PRDM13: variants seen among roughly 807,000 people sequenced by gnomAD.
PRDM13 encodes PR domain zinc finger protein 13.
In PRDM13, 15 loss-of-function variants were observed where a neutral mutation model predicts 36.4. The observed-to-expected ratio is 0.41, with a 90% CI of 0.28 to 0.64. The LOEUF is 0.64. Among genes scored for constraint, PRDM13 ranks in the 30% least tolerant of loss-of-function variants. The pLI, the probability that PRDM13 is intolerant of heterozygous loss-of-function variation, is 0.29. For synonymous variants in PRDM13, 531 were observed against 467.7 expected, an observed-to-expected ratio of 1.14 and a Z score of -1.75; for missense variants, 1,044 against 1,013.5, an observed-to-expected ratio of 1.03 and a Z score of -0.41.
Position 99,609,312 on chromosome 6 carries a change from C to T in PRDM13, c.397+5C>T, listed in dbSNP as rs1769998937. On this transcript the variant is annotated splice_donor_5th_base_variant and intron_variant, in intron 3 of 3. Coordinates refer to ENST00000369215, the MANE Select transcript of PRDM13 (RefSeq NM_021620.4). ...CTCCGACTCACGACGAGAAAGGTAC[C>T]CATTCCAAAAGCGTGGATGGGCAAA... is the stretch of plus-strand genomic sequence containing the variant. 6.2e-7 allele frequency: 1 copy of T among 1,613,876 alleles called. No homozygotes were observed. Among genetic ancestry groups the T allele is most frequent in the African/African-American group, 1.3e-5 (1 of 74,872 alleles).
Position 99,614,854 on chromosome 6 carries a change from A to G in PRDM13, c.*95A>G. 1 of 1,463,126 alleles carries G rather than the reference A, an allele frequency of 6.8e-7. No homozygotes were observed. Among genetic ancestry groups the G allele is most frequent in the Non-Finnish European group, 9.1e-7 (1 of 1,098,262 alleles). 90.6% of individuals were successfully genotyped at this position (1,463,126 alleles called of 1,614,324 possible). A position where few individuals can be genotyped will look rare whatever the true frequency, so the allele number is the denominator to read the frequency against. On this transcript the variant is annotated 3_prime_UTR_variant, in exon 4 of 4. Coordinates refer to ENST00000369215, the MANE Select transcript of PRDM13 (RefSeq NM_021620.4). ...CTCCTGGTGGTGGGAAGAGGGACCC[A>G]ATGGACAAAACCGTTTTTGTTTTTG...
Position 99,615,140 on chromosome 6 carries a change from G to A in PRDM13, c.*381G>A. On this transcript the variant is annotated 3_prime_UTR_variant, in exon 4 of 4. Transcript: ENST00000369215. ...TTTAACTGCCACGTATTTTTAAGTT[G>A]TACTTTTCTGTGGAGGAAATTGTGC... 1 of 243,712 alleles carries A rather than the reference G, an allele frequency of 4.1e-6. No individual in the cohort carries two copies. Among genetic ancestry groups the A allele is most frequent in the Non-Finnish European group, 7.9e-6 (1 of 126,798 alleles). 15.1% of individuals were successfully genotyped at this position (243,712 alleles called of 1,614,324 possible).
chr6:99,609,441 G>A, intron 3 of PRDM13, 134 bp downstream of exon 3: 3 of 1,255,874 alleles, frequency 2.4e-6, no homozygotes, highest in Non-Finnish European at 3.3e-6. Flanking sequence ...AGAGGAGAGA[G>A]GTCGCCACTA....
chr6:99,608,671 G>T, intron 1 of PRDM13, 70 bp from the exon 2 acceptor site: 1 of 1,536,000 alleles, frequency 6.5e-7, no homozygotes, highest in Non-Finnish European at 8.8e-7. Context: ...TGGGGTGGAG[G>T]ATAAACTTTC....
Position 99,613,234 on chromosome 6 carries a change from C to T in PRDM13, c.599C>T (p.Ala200Val). The change falls in exon 4 of 4, where the codon GCC (alanine) becomes GTC (valine). Residue 200 changes from alanine to valine, a missense_variant. Transcript: ENST00000369215. This position sits in a 1 kb window ranked among gnomAD's most constrained non-coding sequence, Gnocchi z 6.1. Reference sequence around the variant, plus strand: ...CCAAAACCCCCGGCGCCCGATTTCGCCGCGCCTTCCCAGGCAGGAACTTTG... The same window carrying T: ...CCAAAACCCCCGGCGCCCGATTTCGTCGCGCCTTCCCAGGCAGGAACTTTG... ...LSPKPPAPDFAAPSQAGTLRP... is the reference protein window; with the variant it reads ...LSPKPPAPDFVAPSQAGTLRP... The T allele has an allele frequency of 6.2e-7, 1 of 1,610,890 alleles. No individual in the cohort carries two copies. The highest frequency in any genetic ancestry group is 2.2e-5 in the East Asian group (1 of 44,840).
chr6:99,609,903 TAAA>T (rs1369059530), intron 3 of PRDM13, among the ~76,000 whole-genome samples: 1 of 133,240 alleles, frequency 7.5e-6, no homozygotes, highest in Non-Finnish European at 1.7e-5. Flanking sequence ...TAAATAAAAA[TAAA>T]AAATAAAAAA....
Position 99,608,703 on chromosome 6 carries a change from C to A in PRDM13, c.145-38C>A, listed in dbSNP as rs765548199. 9.6e-6 allele frequency: 15 copies of A among 1,565,430 alleles called. No homozygotes were observed. In the South Asian group the frequency reaches 1.8e-4, roughly 19 times the overall value. On this transcript the variant is annotated intron_variant, in intron 1 of 3. Transcript: ENST00000369215. ...TTTCTGTTTGGGTTGTGGGCCTGGC[C>A]AAGGTGCGGGGGAGAACGACCACTG...
At chr6:99,609,089 C>A in intron 2 of PRDM13, 98 bp from the exon 3 acceptor site, 2 of 1,475,684 alleles carry the variant, frequency 1.4e-6, no homozygotes, top group Admixed American at 2.0e-5. Context: ...TCCAGGGTCA[C>A]ACAGCATCAG....
Position 99,606,990 on chromosome 6 carries a change from A to G in PRDM13, c.-45A>G. ...CCAGCTCTGTCACTCGCGCCCTTCCAAGGACCTGGAGCACCCGAGCGCCTG... is the reference window on the plus strand; with the variant it reads ...CCAGCTCTGTCACTCGCGCCCTTCCGAGGACCTGGAGCACCCGAGCGCCTG... On this transcript the variant is annotated 5_prime_UTR_variant, in exon 1 of 4. Transcript: ENST00000369215. 1 of 1,559,220 alleles carries G rather than the reference A, an allele frequency of 6.4e-7. No individual in the cohort carries two copies. Among genetic ancestry groups the G allele is most frequent in the Non-Finnish European group, 8.7e-7 (1 of 1,154,056 alleles).
At chr6:99,609,876 C>A (rs1308943177) in intron 3 of PRDM13, among the ~76,000 whole-genome samples, 1 of 150,560 alleles carries the variant, frequency 6.6e-6, no homozygotes, top group Non-Finnish European at 1.5e-5. Context: ...ACAAGTGAGA[C>A]CCTGTCTCAA....
At chr6:99,611,310 C>T (rs748602188) in intron 3 of PRDM13, among the ~76,000 whole-genome samples, 24 of 151,912 alleles carry the variant, frequency 1.6e-4, no homozygotes, top group Non-Finnish European at 2.9e-4. Context: ...AGTCATTCTG[C>T]GGCAGACTCT....
At position 99,613,224 on chromosome 6, in the gene PRDM13, C is replaced by G. The variant is rs781709115; in HGVS notation, c.589C>G (p.Pro197Ala). ...CGGTCTCTCCCCAAAACCCCCGGCGCCCGATTTCGCCGCGCCTTCCCAGGC... is the reference window on the plus strand; with the variant it reads ...CGGTCTCTCCCCAAAACCCCCGGCGGCCGATTTCGCCGCGCCTTCCCAGGC... ...GLGLSPKPPA[P>A]DFAAPSQAGT... The change falls in exon 4 of 4, where the codon CCC becomes GCC. Residue 197 changes from proline to alanine, a missense_variant. Physicochemically the swap from Pro to Ala is conservative, Grantham distance 27. This residue lies in a region of PRDM13 where 921 missense variants were observed against 865.2 expected (regional missense o/e 1.06). Transcript: ENST00000369215. This position sits in a 1 kb window ranked among gnomAD's most constrained non-coding sequence, Gnocchi z 6.1. The G allele has an allele frequency of 1.7e-5, 27 of 1,611,552 alleles. No individual in the cohort carries two copies. The highest frequency in any genetic ancestry group is 2.3e-5 in the Non-Finnish European group (27 of 1,179,596).
In PRDM13 at chr6:99,613,336, C is replaced by A. The variant is rs778602675; in HGVS notation, c.701C>A (p.Ala234Glu). Residue 234 changes from alanine (A) to glutamate (E), a missense_variant, in exon 4 of 4, where the codon GCG becomes GAG. By Grantham distance (107) the Ala-to-Glu change is moderately radical. Coordinates refer to ENST00000369215, the MANE Select transcript of PRDM13 (RefSeq NM_021620.4). This position sits in a 1 kb window ranked among gnomAD's most constrained non-coding sequence, Gnocchi z 6.1. Reference protein sequence around the residue: ...REGIKREASSAPSATSPTPGK... With the variant: ...REGIKREASSEPSATSPTPGK... ...GGCATCAAGCGCGAGGCCTCTTCCG[C>A]GCCCTCGGCCACCTCGCCGACCCCA... is the stretch of plus-strand genomic sequence containing the variant. The A allele has an allele frequency of 1.3e-6, 2 of 1,551,286 alleles. No individual in the cohort carries two copies. The highest frequency in any genetic ancestry group is 1.9e-5 in the Admixed American group (1 of 52,416).
intron 1 of PRDM13, 152 bp from the exon 2 acceptor site, chr6:99,608,589 A>G: frequency 9.7e-7 from 1 of 1,028,100 alleles, no homozygotes; most frequent in South Asian, 2.1e-5. Flanking sequence ...CAAGGTCCTA[A>G]GGAATTCTCC....
At chr6:99,609,733 ATAAT>A (rs1770005394) in intron 3 of PRDM13, among the ~76,000 whole-genome samples, 1 of 152,066 alleles carries the variant, frequency 6.6e-6, no homozygotes, top group Non-Finnish European at 1.5e-5. Flanking sequence ...CAACAAAAAA[ATAAT>A]TAGCCAGGTG....
chr6:99,612,901 C>T (rs1770052204), intron 3 of PRDM13, 132 bp from the exon 4 acceptor site: 1 of 1,477,816 alleles, frequency 6.8e-7, no homozygotes, highest in South Asian at 1.4e-5. Context: ...AGTAGGGCTA[C>T]CGAACTTATA....
chr6:99,608,894 A>AC (rs770244568), intron 2 of PRDM13, 22 bp downstream of exon 2: 94 of 1,590,978 alleles, frequency 5.9e-5, no homozygotes, highest in South Asian at 1.1e-4. Flanking sequence ...TTCTCTCCAC[A>AC]CCCCCCCACT....
chr6:99,610,474 C>T (rs1328828761), intron 3 of PRDM13, among the ~76,000 whole-genome samples: 2 of 152,174 alleles, frequency 1.3e-5, no homozygotes, highest in Non-Finnish European at 2.9e-5. Flanking sequence ...ATTGCCTGCT[C>T]AATCTCATCC....
chr6:99,609,220 G>A lies in PRDM13; in HGVS notation c.310G>A (p.Gly104Arg). The A allele has an allele frequency of 6.2e-7, 1 of 1,613,594 alleles. No homozygotes were observed. The highest frequency in any genetic ancestry group is 8.5e-7 in the Non-Finnish European group (1 of 1,179,562). Residue 104 changes from glycine (G) to arginine (R), a missense_variant, in exon 3 of 4, where the codon GGG (glycine) becomes AGG (arginine). Coordinates refer to ENST00000369215, the MANE Select transcript of PRDM13 (RefSeq NM_021620.4). ...CCGAGCATTGCGAGACGTCCAGCCA[G>A]GGGAGGAGCTGACAGTGTGGTATTC... ...FYRALRDVQP[G>R]EELTVWYSNS...
Sources: allele counts gnomAD v4.1 joint callset (sites outside exome capture counted in the v4.1 genomes callset), GRCh38; gene constraint gnomAD v4.1.1; regional missense constraint gnomAD v4.1.1; non-coding constraint Gnocchi (gnomAD v3.1); transcripts MANE v1.5; gene names NCBI Gene and HGNC (gene_info 2026-07-23, HGNC 2026-07-21).